Variants in CHCT1 observed in about 807,000 individuals in gnomAD.
The protein encoded by CHCT1 is CHD1 helical C-terminal domain containing 1.
the CHCT1 span, among the ~76,000 whole-genome samples, chr17:60,424,978 A>G: frequency 6.6e-6 from 1 of 152,150 alleles, no homozygotes; most frequent in Admixed American, 6.6e-5. Flanking sequence ...ATTATTTCAG[A>G]TCCTACATAC....
At chr17:60,421,762 C>T in the CHCT1 span, 1 of 877,710 alleles carries the variant, frequency 1.1e-6, no homozygotes, top group Non-Finnish European at 1.4e-6. Context: ...TTTCCGCCCT[C>T]GGCCTCGGGT....
the CHCT1 span, among the ~76,000 whole-genome samples, chr17:60,427,935 A>G: frequency 6.6e-6 from 1 of 152,086 alleles, no homozygotes; most frequent in African/African-American, 2.4e-5. Context: ...GGGATCATAC[A>G]ATATGTAGCC....
At chr17:60,426,227 C>T in the CHCT1 span, 2 of 1,551,882 alleles carry the variant, frequency 1.3e-6, no homozygotes, top group Admixed American at 2.0e-5. Context: ...GGACCTTCCC[C>T]AGAAGAAGAA....
At chr17:60,431,262 C>T in the CHCT1 span, 547 of 1,599,342 alleles carry the variant, frequency 3.4e-4, 1 homozygote, top group African/African-American at 5.5e-3. Flanking sequence ...GAGACTGAAC[C>T]GTAAGAAGAC....
At chr17:60,425,272 C>T in the CHCT1 span, among the ~76,000 whole-genome samples, 1 of 152,260 alleles carries the variant, frequency 6.6e-6, no homozygotes, top group Middle Eastern at 3.4e-3. Context: ...ACCTTCAACT[C>T]CTGGACACTA....
At chr17:60,421,614 G>C in the CHCT1 span, 1 of 979,774 alleles carries the variant, frequency 1.0e-6, no homozygotes, top group South Asian at 4.7e-5. Context: ...GTCTCTCGTC[G>C]CCGGGACCCC....
At chr17:60,428,905 A>AATTTT in the CHCT1 span, among the ~76,000 whole-genome samples, 1 of 125,200 alleles carries the variant, frequency 8.0e-6, no homozygotes, top group Non-Finnish European at 1.8e-5. Flanking sequence ...AAAGGCTCCC[A>AATTTT]TTTTTTTTTT....
chr17:60,425,830 T>C, the CHCT1 span: 1 of 1,551,726 alleles, frequency 6.4e-7, no homozygotes, highest in Non-Finnish European at 8.7e-7. Context: ...CCAGCCCTGC[T>C]AGAGACTCGC....
the CHCT1 span, among the ~76,000 whole-genome samples, chr17:60,428,539 G>A: frequency 1.3e-5 from 2 of 149,776 alleles, no homozygotes; most frequent in African/African-American, 4.9e-5. Flanking sequence ...CCAGGCTGGA[G>A]TGCAATGGTG....
the CHCT1 span, chr17:60,426,956 G>A: frequency 2.7e-6 from 4 of 1,458,160 alleles, no homozygotes; most frequent in Admixed American, 4.2e-5. Flanking sequence ...AGACTCTGCT[G>A]CTTGACCTTT....
At chr17:60,425,743 G>T in the CHCT1 span, 2 of 1,462,774 alleles carry the variant, frequency 1.4e-6, no homozygotes, top group Admixed American at 2.0e-5. Context: ...CAGGAGTAAC[G>T]GTCCAATCCC....
chr17:60,426,008 C>T, the CHCT1 span: 1 of 1,272,104 alleles, frequency 7.9e-7, no homozygotes, highest in South Asian at 1.4e-5. Flanking sequence ...TTGGTAAGGA[C>T]TTTTGGTGAG....
the CHCT1 span, chr17:60,426,651 G>A: frequency 6.4e-7 from 1 of 1,554,804 alleles, no homozygotes; most frequent in Non-Finnish European, 8.7e-7. Flanking sequence ...TCCTGACCCT[G>A]AGACAAATGC....
chr17:60,425,798 T>A, the CHCT1 span: 8 of 1,551,440 alleles, frequency 5.2e-6, no homozygotes, highest in Middle Eastern at 6.7e-4. Flanking sequence ...AAATGTGTCA[T>A]GCCTGGAGAC....
the CHCT1 span, chr17:60,429,563 G>T: frequency 6.2e-7 from 1 of 1,613,138 alleles, no homozygotes; most frequent in South Asian, 1.1e-5. Flanking sequence ...GAAAGGTAAT[G>T]ACCATTTGGT....
the CHCT1 span, among the ~76,000 whole-genome samples, chr17:60,430,689 C>T: frequency 1.5e-3 from 229 of 152,310 alleles, 1 homozygote; most frequent in African/African-American, 5.0e-3. Flanking sequence ...CCATGTTGGC[C>T]AGGCTGGTCT....
the CHCT1 span, among the ~76,000 whole-genome samples, chr17:60,429,063 A>G: frequency 6.6e-6 from 1 of 152,016 alleles, no homozygotes; most frequent in African/African-American, 2.4e-5. Context: ...GCTAAGTTAG[A>G]TCTTTAAAAC....
the CHCT1 span, among the ~76,000 whole-genome samples, chr17:60,425,003 A>G: frequency 6.6e-6 from 1 of 152,194 alleles, no homozygotes; most frequent in Non-Finnish European, 1.5e-5. Context: ...CAAACTACAG[A>G]TGGCAGTTGG....
At chr17:60,421,692 C>T in the CHCT1 span, 1 of 825,042 alleles carries the variant, frequency 1.2e-6, no homozygotes, top group Non-Finnish European at 1.5e-6. Flanking sequence ...CCGGGGCCTC[C>T]TGAGCACCTC....
Sources: allele counts gnomAD v4.1 joint callset (sites outside exome capture counted in the v4.1 genomes callset), GRCh38; gene constraint gnomAD v4.1.1; transcripts MANE v1.5; gene names NCBI Gene and HGNC (gene_info 2026-07-23, HGNC 2026-07-21).